Variants in ZFHX3 observed in about 807,000 individuals in gnomAD.
ZFHX3 encodes the protein zinc finger homeobox 3, also known as zinc finger homeobox protein 3.
ZFHX3 carries 42 observed loss-of-function variants against 279.1 expected under a neutral mutation model. That is an observed-to-expected ratio of 0.15 (90% CI 0.12 to 0.19). ZFHX3 has a LOEUF of 0.19. ZFHX3 is among the 10% of genes least tolerant of loss of function. The pLI, the probability that ZFHX3 is intolerant of heterozygous loss-of-function variation, is 1.00. For synonymous variants in ZFHX3, 2,293 were observed against 1,957.8 expected, an observed-to-expected ratio of 1.17 and a Z score of -4.52; for missense variants, 4,981 against 4,754.0, an observed-to-expected ratio of 1.05 and a Z score of -1.40.
chr16:72,787,229 T>C lies in ZFHX3; in HGVS notation c.11047A>G (p.Lys3683Glu). Residue 3683 changes from lysine (K) to glutamate (E), a missense_variant, in exon 10 of 10, where the codon AAA becomes GAA. Around this residue, in one of 7 missense-constraint regions of ZFHX3, gnomAD observed 1,034 missense variants for 786.0 expected, o/e 1.32. Coordinates refer to ENST00000268489, the MANE Select transcript of ZFHX3 (RefSeq NM_006885.4). ...CTGTCCTTGGGGCAGCTGGGGTCTT[T>C]GGGACCCTCCACCGGGCTCGCCGGT... ...DGPASPVEGP[K>E]DPSCPKDSGL... 6.2e-7 allele frequency: 1 copy of C among 1,614,038 alleles called. No homozygotes were observed. Among genetic ancestry groups the C allele is most frequent in the Non-Finnish European group, 8.5e-7 (1 of 1,180,008 alleles).
chr16:73,667,522 T>A (rs528047127), intron 2 of ZFHX3, among the ~76,000 whole-genome samples: 1 of 152,250 alleles, frequency 6.6e-6, no homozygotes, highest in Non-Finnish European at 1.5e-5. Context: ...GGTTGTACCA[T>A]TTTGTATTCC....
At chr16:73,429,839 G>A (rs1029351177) in intron 3 of ZFHX3, among the ~76,000 whole-genome samples, 1 of 152,088 alleles carries the variant, frequency 6.6e-6, no homozygotes, top group Non-Finnish European at 1.5e-5. Flanking sequence ...CAGATGGCTT[G>A]GGGCTCTGCC....
At chr16:72,944,032 G>C (rs1960544652) in intron 3 of ZFHX3, among the ~76,000 whole-genome samples, 3 of 152,104 alleles carry the variant, frequency 2.0e-5, no homozygotes, top group Admixed American at 6.6e-5. Context: ...AAAACAAACT[G>C]ACACTTTGGG....
intron 1 of ZFHX3, among the ~76,000 whole-genome samples, chr16:72,960,543 C>T (rs76667375): frequency 1.6e-4 from 24 of 152,222 alleles, no homozygotes; most frequent in African/African-American, 5.5e-4. Flanking sequence ...AGAACGGACG[C>T]GTCATCTCTC....
chr16:73,454,633 C>T (rs1157217290), intron 3 of ZFHX3, among the ~76,000 whole-genome samples: 3 of 151,682 alleles, frequency 2.0e-5, no homozygotes, highest in Non-Finnish European at 4.4e-5. Context: ...CTATTCACTC[C>T]CCAGTCCATT....
At chr16:73,111,206 G>A (rs1966369179) in intron 7 of ZFHX3, among the ~76,000 whole-genome samples, 2 of 152,162 alleles carry the variant, frequency 1.3e-5, no homozygotes, top group South Asian at 4.1e-4. Context: ...CTTCCAAAGA[G>A]TTGGGATTAC....
chr16:73,351,492 A>G (rs1272582496), intron 3 of ZFHX3, among the ~76,000 whole-genome samples: 2 of 152,148 alleles, frequency 1.3e-5, no homozygotes, highest in Admixed American at 6.6e-5. Flanking sequence ...GCCTTCTCCA[A>G]ACTTCACTTG....
chr16:73,403,337 G>T (rs951770110), intron 3 of ZFHX3, among the ~76,000 whole-genome samples: 2 of 152,150 alleles, frequency 1.3e-5, no homozygotes, highest in Non-Finnish European at 1.5e-5. Context: ...TCCCGCAGGG[G>T]TTCGTTAAGT....
chr16:73,474,273 G>A (rs898732214), intron 2 of ZFHX3, among the ~76,000 whole-genome samples: 12 of 151,868 alleles, frequency 7.9e-5, no homozygotes, highest in African/African-American at 1.5e-4. Flanking sequence ...TCAGCCTCCC[G>A]AGTAGCAGGG....
intron 5 of ZFHX3, among the ~76,000 whole-genome samples, chr16:73,185,423 GA>G (rs1967889264): frequency 6.6e-6 from 1 of 152,170 alleles, no homozygotes; most frequent in Non-Finnish European, 1.5e-5. Flanking sequence ...GCAAAGGGCG[GA>G]ACCCAAGTCT....
At chr16:73,833,970 G>A (rs1170910120) in intron 1 of ZFHX3, among the ~76,000 whole-genome samples, 46 of 151,848 alleles carry the variant, frequency 3.0e-4, no homozygotes, top group Admixed American at 2.9e-3. Context: ...TTTGAAAAAG[G>A]ATGAAGAAAT....
At chr16:73,843,914 TTG>T (rs1961379699) in intron 1 of ZFHX3, among the ~76,000 whole-genome samples, 2 of 152,204 alleles carry the variant, frequency 1.3e-5, no homozygotes, top group Non-Finnish European at 2.9e-5. Context: ...AATCTGGATT[TTG>T]TGTAGTCTTC....
intron 1 of ZFHX3, among the ~76,000 whole-genome samples, chr16:73,738,021 T>C (rs1334241487): frequency 6.6e-6 from 1 of 152,140 alleles, no homozygotes; most frequent in Non-Finnish European, 1.5e-5. Flanking sequence ...GGGATTATCA[T>C]GGGATTTTAT....
At chr16:72,821,435 T>C (rs1372074519) in intron 5 of ZFHX3, among the ~76,000 whole-genome samples, 2 of 152,314 alleles carry the variant, frequency 1.3e-5, no homozygotes, top group South Asian at 2.1e-4. Flanking sequence ...TCCGTCTCCA[T>C]TGAGTTCCCA....
intron 1 of ZFHX3, among the ~76,000 whole-genome samples, chr16:73,704,307 C>T (rs762543955): frequency 7.9e-5 from 12 of 152,110 alleles, no homozygotes; most frequent in African/African-American, 2.4e-5. Context: ...TCCTGAAGAA[C>T]GAACCATCAT....
rs890989628 is a variant in ZFHX3 at position 72,783,596 on chromosome 16, A to G, written c.*3568T>C. The G allele has an allele frequency of 6.6e-6, 1 of 152,442 alleles. No homozygotes were observed. Among genetic ancestry groups the G allele is most frequent in the Admixed American group, 6.5e-5 (1 of 15,286 alleles). The allele number at this position is 152,442 out of a possible 1,614,324, so 9.4% of individuals were successfully genotyped here. On this transcript the variant is annotated 3_prime_UTR_variant, in exon 10 of 10. Transcript: ENST00000268489. Reference sequence around the variant, plus strand: ...TTTAAATAGCTTGTAATTAAAAAAAAAATTCCTAGATGTATTAAATTTTTC... The same window carrying G: ...TTTAAATAGCTTGTAATTAAAAAAAGAATTCCTAGATGTATTAAATTTTTC...
chr16:73,090,784 A>C (rs1966065764), intron 8 of ZFHX3, among the ~76,000 whole-genome samples: 1 of 151,524 alleles, frequency 6.6e-6, no homozygotes, highest in African/African-American at 2.4e-5. Flanking sequence ...ACTGGTGTGC[A>C]TCTGTAGTCC....
At chr16:73,066,915 G>C (rs1317912158) in intron 8 of ZFHX3, among the ~76,000 whole-genome samples, 3 of 152,094 alleles carry the variant, frequency 2.0e-5, no homozygotes, top group Non-Finnish European at 2.9e-5. Flanking sequence ...CTGAGATGGG[G>C]ACCCTGAACC....
intron 3 of ZFHX3, among the ~76,000 whole-genome samples, chr16:73,325,582 G>C (rs931741780): frequency 6.6e-6 from 1 of 152,130 alleles, no homozygotes; most frequent in East Asian, 1.9e-4. Flanking sequence ...GCTCTTCAAA[G>C]TGTCCAGAAG....
Sources: gnomAD v4.1 joint callset for allele counts (sites outside exome capture counted in the v4.1 genomes callset) on GRCh38, gnomAD v4.1.1 for gene constraint, gnomAD v4.1.1 regional missense constraint, MANE v1.5 for transcripts, NCBI Gene and HGNC (gene_info 2026-07-23, HGNC 2026-07-21) for gene names.